Variants in SLAMF7 observed in about 807,000 individuals in gnomAD.
SLAMF7 encodes 19A24 protein.
In SLAMF7, 26 loss-of-function variants were observed where a neutral mutation model predicts 34.1. The observed-to-expected ratio is 0.76, with a 90% CI of 0.56 to 1.06. The LOEUF (loss-of-function observed/expected upper bound fraction) is 1.06. SLAMF7 is among the 50% of genes least tolerant of loss of function. SLAMF7 has a pLI of 0.00. For missense variants in SLAMF7, 399 were observed against 402.5 expected (o/e 0.99, Z 0.07); for synonymous variants, 171 against 156.4 (o/e 1.09, Z -0.70).
chr1:160,740,130 G>A (rs1428864354), intron 1 of SLAMF7, among the ~76,000 whole-genome samples: 1 of 152,086 alleles, frequency 6.6e-6, no homozygotes, highest in Non-Finnish European at 1.5e-5. Flanking sequence ...ATCTGCCCAA[G>A]ACCACGCAGG....
rs1454586363 is a variant in SLAMF7 at position 160,748,426 on chromosome 1, G to T, written c.288G>T (p.Lys96Asn). 1 of 1,613,978 alleles carries T rather than the reference G, an allele frequency of 6.2e-7. No individual in the cohort carries two copies. The highest frequency in any genetic ancestry group is 8.5e-7 in the Non-Finnish European group (1 of 1,179,978). The stretch of plus-strand genomic sequence containing the variant: ...ACTCCCTGAAGCTCAGCAAACTGAA[G>T]AAGAATGACTCAGGGATCTACTATG... ...GGYSLKLSKL[K>N]KNDSGIYYVG... The change falls in exon 2 of 7, where the codon AAG becomes AAT. Residue 96 changes from lysine to asparagine, a missense_variant. Lys to Asn is a moderately conservative substitution (Grantham distance 94, BLOSUM62 0). Transcript: ENST00000368043.
intron 1 of SLAMF7, among the ~76,000 whole-genome samples, chr1:160,742,056 C>T (rs563348546): frequency 1.3e-4 from 20 of 152,188 alleles, no homozygotes; most frequent in African/African-American, 4.6e-4. Flanking sequence ...ACTCTCCCCT[C>T]CCCCAAAGTC....
intron 1 of SLAMF7, among the ~76,000 whole-genome samples, chr1:160,747,003 G>A (rs1260090280): frequency 6.6e-6 from 1 of 152,116 alleles, no homozygotes; most frequent in East Asian, 1.9e-4. Flanking sequence ...TCTCTACAGC[G>A]GAAAGTCCTC....
chr1:160,742,121 C>T (rs1181562149), intron 1 of SLAMF7, among the ~76,000 whole-genome samples: 1 of 152,134 alleles, frequency 6.6e-6, no homozygotes, highest in Non-Finnish European at 1.5e-5. Context: ...GTATCTTCCT[C>T]ATAATCGGGC....
intron 1 of SLAMF7, among the ~76,000 whole-genome samples, chr1:160,745,117 C>A (rs1446205976): frequency 6.6e-6 from 1 of 152,096 alleles, no homozygotes; most frequent in African/African-American, 2.4e-5. Flanking sequence ...AAGATACATA[C>A]CCAAGAAGAG....
intron 1 of SLAMF7, among the ~76,000 whole-genome samples, chr1:160,740,401 T>G (rs1663647204): frequency 6.6e-6 from 1 of 152,022 alleles, no homozygotes. Flanking sequence ...GCTACAGGTG[T>G]CCATCTGAAA....
At position 160,748,527 on chromosome 1, in the gene SLAMF7, A is replaced by C; in HGVS notation, c.376+13A>C. 6.2e-7 allele frequency: 1 copy of C among 1,602,058 alleles called. No homozygotes were observed. The highest frequency in any genetic ancestry group is 8.5e-7 in the Non-Finnish European group (1 of 1,171,826). On this transcript the variant is annotated intron_variant, in intron 2 of 6. Coordinates refer to ENST00000368043, the MANE Select transcript of SLAMF7 (RefSeq NM_021181.5). Reference sequence around the variant, plus strand: ...CTGCATGTCTACGGTGAGCAAAATCAGTTCCAATGGTGGATGGCTGCCTTG... The same window carrying C: ...CTGCATGTCTACGGTGAGCAAAATCCGTTCCAATGGTGGATGGCTGCCTTG...
chr1:160,739,087 T>G (rs1432014558), upstream of SLAMF7: 2 of 596,386 alleles, frequency 3.4e-6, no homozygotes, highest in East Asian at 5.9e-5. Flanking sequence ...ATATACCAAA[T>G]GCTGATGAAG....
chr1:160,747,317 C>G (rs769614190), intron 1 of SLAMF7, among the ~76,000 whole-genome samples: 3 of 152,154 alleles, frequency 2.0e-5, no homozygotes, highest in African/African-American at 4.8e-5. Flanking sequence ...TCATTTACCC[C>G]CACTGTGCCT....
At position 160,750,055 on chromosome 1, in the gene SLAMF7, A is replaced by C; in HGVS notation, c.611A>C (p.Asn204Thr). 6.2e-7 allele frequency: 1 copy of C among 1,614,058 alleles called. No individual in the cohort carries two copies. The highest frequency in any genetic ancestry group is 2.2e-5 in the East Asian group (1 of 44,882). ...GTTGCCAGGAACCCTGTCAGCAGAA[A>C]CTTCTCAAGCCCCATCCTTGCCAGG... ...ICVARNPVSR[N>T]FSSPILARKL... is the part of the protein sequence containing the mutation. The change falls in exon 3 of 7, where the codon AAC becomes ACC. Residue 204 changes from asparagine to threonine, a missense_variant. Coordinates refer to ENST00000368043, the MANE Select transcript of SLAMF7 (RefSeq NM_021181.5).
At position 160,753,288 on chromosome 1, in the gene SLAMF7, G is replaced by T; in HGVS notation, c.*111G>T. On this transcript the variant is annotated 3_prime_UTR_variant, in exon 7 of 7. Transcript: ENST00000368043. ...ACTAGAAACATCAAGGAAGAATGAA[G>T]AACGTTGACTTTTTTCCAGGATAAA... 2 of 913,394 alleles carry T rather than the reference G, an allele frequency of 2.2e-6. No individual in the cohort carries two copies. Among genetic ancestry groups the T allele is most frequent in the East Asian group, 5.2e-5 (2 of 38,746 alleles). 56.6% of individuals were successfully genotyped at this position (913,394 alleles called of 1,614,324 possible).
rs567082460 is a variant in SLAMF7 at position 160,743,935 on chromosome 1, T to G, written c.56-4259T>G. 7.9e-5 allele frequency among the ~76,000 whole-genome samples: 12 copies of G among 152,302 alleles called. No homozygotes were observed. The East Asian group carries it at 2.3e-3, about 29-fold the overall frequency. On this transcript the variant is annotated intron_variant, in intron 1 of 6. Coordinates refer to ENST00000368043, the MANE Select transcript of SLAMF7 (RefSeq NM_021181.5). The stretch of plus-strand genomic sequence containing the variant: ...AACTCCTGACCTCAAGTGATCCTCC[T>G]GCTTCAGCCTCCCAAAGTGCTGGGA...
intron 2 of SLAMF7, 65 bp downstream of exon 2, chr1:160,748,579 G>C (rs1056666617): frequency 2.8e-6 from 4 of 1,449,196 alleles, no homozygotes; most frequent in Admixed American, 1.9e-5. Flanking sequence ...CTTGACATGA[G>C]AGATGTTTAA....
chr1:160,754,715 GA>G lies in SLAMF7; in HGVS notation c.*1540del, dbSNP rs1183384300. 1.3e-5 allele frequency: 2 copies of G among 152,364 alleles called. No individual in the cohort carries two copies. Among genetic ancestry groups the G allele is most frequent in the African/African-American group, 4.8e-5 (2 of 41,448 alleles). The allele number at this position is 152,364 out of a possible 1,614,324, so 9.4% of individuals were successfully genotyped here. A position where few individuals can be genotyped will look rare whatever the true frequency, so the allele number is the denominator to read the frequency against. The stretch of plus-strand genomic sequence containing the variant: ...TTATCTTCTCTCAGAAAGGCATTGT[GA>G]AGGAATTGAGCCAGATCTCTCTCCC... On this transcript the variant is annotated 3_prime_UTR_variant, in exon 7 of 7. Transcript: ENST00000368043.
intron 6 of SLAMF7, 114 bp downstream of exon 6, chr1:160,752,362 T>A: frequency 2.7e-6 from 2 of 745,534 alleles, no homozygotes. Context: ...AATTAAAAAG[T>A]ACCCTAGTAG....
chr1:160,742,455 A>T (rs1663823227), intron 1 of SLAMF7, among the ~76,000 whole-genome samples: 1 of 152,178 alleles, frequency 6.6e-6, no homozygotes, highest in Admixed American at 6.5e-5. Flanking sequence ...TCTCATTTTT[A>T]GCTATCTGTG....
chr1:160,742,485 TG>T (rs1663824588), intron 1 of SLAMF7, among the ~76,000 whole-genome samples: 1 of 152,198 alleles, frequency 6.6e-6, no homozygotes, highest in Admixed American at 6.5e-5. Flanking sequence ...AACCAAAAGA[TG>T]GGAAGCCTCC....
At chr1:160,751,978 G>GA (rs1464942650) in intron 5 of SLAMF7, 2 of 415,474 alleles carry the variant, frequency 4.8e-6, no homozygotes, top group Non-Finnish European at 8.7e-6. Context: ...ATGGCTTCCT[G>GA]AAAAAAGTTA....
chr1:160,751,427 C>G lies in SLAMF7; in HGVS notation c.852C>G (p.Tyr284Ter). 6.2e-7 allele frequency: 1 copy of G among 1,613,344 alleles called. No individual in the cohort carries two copies. Among genetic ancestry groups the G allele is most frequent in the African/African-American group, 1.3e-5 (1 of 74,988 alleles). ...CCCATTCTGGAGAGAACACAGAGTA[C>G]GACACAATCCCTCACACTAATGTGA... ...ICPHSGENTE[Y>*]DTIPHTNRTI... The change falls in exon 5 of 7, where the codon TAC (tyrosine) becomes TAG (stop). Residue 284 changes from tyrosine to a stop codon, truncating the protein, a stop_gained. Coordinates refer to ENST00000368043, the MANE Select transcript of SLAMF7 (RefSeq NM_021181.5). LOFTEE classifies it high-confidence loss of function.
Sources: allele counts gnomAD v4.1 joint callset (sites outside exome capture counted in the v4.1 genomes callset), GRCh38; gene constraint gnomAD v4.1.1; transcripts MANE v1.5; gene names NCBI Gene and HGNC (gene_info 2026-07-23, HGNC 2026-07-21).